The following AKT3 variants were observed in gnomAD, a reference collection of about 807,000 sequenced individuals.
The protein encoded by AKT3 is AKT serine/threonine kinase 3, also known as RAC-gamma serine/threonine-protein kinase.
AKT3 carries 15 observed loss-of-function variants against 65.3 expected under a neutral mutation model. That is an observed-to-expected ratio of 0.23 (90% CI 0.15 to 0.35). AKT3 has a LOEUF of 0.35. Among genes scored for constraint, AKT3 ranks in the 10% least tolerant of loss-of-function variants. The pLI, the probability that AKT3 is intolerant of heterozygous loss-of-function variation, is 1.00. For synonymous variants in AKT3, 206 were observed against 183.8 expected (o/e 1.12, Z -0.98); for missense variants, 243 against 576.5 (o/e 0.42, Z 5.92).
chr1:243,623,730 G>A (rs748005949), intron 6 of AKT3, among the ~76,000 whole-genome samples: 8 of 152,136 alleles, frequency 5.3e-5, no homozygotes, highest in South Asian at 2.1e-4. Flanking sequence ...GAACTTGGAC[G>A]GAGATACGTT....
chr1:243,573,072 G>T (rs746277882), intron 8 of AKT3, 24 bp from the exon 9 acceptor site: 3 of 1,607,580 alleles, frequency 1.9e-6, no homozygotes, highest in East Asian at 4.5e-5. Context: ...AGCAGGGACA[G>T]GATTGTAATA....
intron 2 of AKT3, among the ~76,000 whole-genome samples, chr1:243,723,418 G>A (rs1334277466): frequency 2.6e-5 from 4 of 152,080 alleles, no homozygotes; most frequent in Non-Finnish European, 4.4e-5. Flanking sequence ...TGAATCAACC[G>A]GTCCTCCATC....
In AKT3 at chr1:243,846,663, A is replaced by G. The variant is rs550680177; in HGVS notation, c.-113+3377T>C. Among the ~76,000 whole-genome samples the G allele has an allele frequency of 3.3e-5, 5 of 152,334 alleles. No homozygotes were observed. In the South Asian group the frequency reaches 1.0e-3, roughly 32 times the overall value. ...TTATTTAATTTGGCATTTTAAACAA[A>G]TGAAAGGTGATGTTAATGGGCCAGT... On this transcript the variant is annotated intron_variant, in intron 1 of 13. Coordinates refer to ENST00000673466, the MANE Select transcript of AKT3 (RefSeq NM_005465.7).
chr1:243,620,046 T>C (rs1242296246), intron 6 of AKT3, among the ~76,000 whole-genome samples: 1 of 98,322 alleles, frequency 1.0e-5, no homozygotes, highest in South Asian at 3.0e-4. Flanking sequence ...AGTCTCATCT[T>C]GAATTGTAAT....
chr1:243,801,167 T>C (rs1413454504), intron 2 of AKT3, among the ~76,000 whole-genome samples: 2 of 152,218 alleles, frequency 1.3e-5, no homozygotes. Flanking sequence ...ATATAAGGTA[T>C]GTTATCTATG....
intron 2 of AKT3, among the ~76,000 whole-genome samples, chr1:243,741,008 G>C (rs1688119901): frequency 6.6e-6 from 1 of 152,104 alleles, no homozygotes; most frequent in African/African-American, 2.4e-5. Context: ...TTCAAGCTAT[G>C]AAATACCTGG....
At chr1:243,842,986 C>T in intron 2 of AKT3, 139 bp downstream of exon 2, 6 of 874,732 alleles carry the variant, frequency 6.9e-6, no homozygotes, top group East Asian at 2.7e-5. Context: ...TCCTAACACA[C>T]GTTAAATATA....
chr1:243,671,900 A>G (rs180673905), intron 3 of AKT3, among the ~76,000 whole-genome samples: 1 of 152,338 alleles, frequency 6.6e-6, no homozygotes, highest in East Asian at 1.9e-4. Flanking sequence ...TGCTCTTCTG[A>G]AGAGAATACA....
rs1558590050 is a variant in AKT3 at position 243,527,900 on chromosome 1, C to CAAGACTCCATCTCTTAAA, written c.1252-15475_1252-15474insTTTAAGAGATGGAGTCTT. Among the ~76,000 whole-genome samples, 9 of 102,326 alleles carry CAAGACTCCATCTCTTAAA rather than the reference C, an allele frequency of 8.8e-5. 1 individual carries two copies. The highest frequency in any genetic ancestry group is 3.8e-4 in the African/African-American group (8 of 21,010). 67.1% of individuals were successfully genotyped at this position (102,326 alleles called of 152,430 possible). A position where few individuals can be genotyped will look rare whatever the true frequency, so the allele number is the denominator to read the frequency against. On this transcript the variant is annotated intron_variant, in intron 12 of 13. Coordinates refer to ENST00000673466, the MANE Select transcript of AKT3 (RefSeq NM_005465.7). ...ACACACACACACACACACACACACA[C>CAAGACTCCATCTCTTAAA]ACACACACACACACACACACACACA...
chr1:243,805,700 T>C (rs562955833), intron 2 of AKT3, among the ~76,000 whole-genome samples: 15 of 152,200 alleles, frequency 9.9e-5, no homozygotes, highest in South Asian at 2.1e-4. Flanking sequence ...ATCTTGCCCA[T>C]TGGTTCAATG....
intron 2 of AKT3, among the ~76,000 whole-genome samples, chr1:243,709,962 G>A (rs555079936): frequency 1.7e-4 from 26 of 152,040 alleles, no homozygotes; most frequent in African/African-American, 6.0e-4. Flanking sequence ...GTGCTACCAC[G>A]TTTACCCACA....
chr1:243,818,875 G>C (rs1693688455), intron 2 of AKT3, among the ~76,000 whole-genome samples: 3 of 152,080 alleles, frequency 2.0e-5, no homozygotes, highest in African/African-American at 7.2e-5. Flanking sequence ...TGGAGAGTGA[G>C]GAAAAGAAGG....
At chr1:243,520,728 A>G (rs1670666171) in intron 12 of AKT3, among the ~76,000 whole-genome samples, 1 of 152,220 alleles carries the variant, frequency 6.6e-6, no homozygotes, top group African/African-American at 2.4e-5. Flanking sequence ...CAGTGATCTT[A>G]AACAAGAGGA....
chr1:243,705,193 G>A lies in AKT3; in HGVS notation c.47-9477C>T, dbSNP rs545522127. ...TTCACTTCATCTTAGCCAAAAGTCC[G>A]AGAAGCAATATTATGAAGTATAGTT... On this transcript the variant is annotated intron_variant, in intron 2 of 13. Transcript: ENST00000673466. Among the ~76,000 whole-genome samples, 16 of 152,244 alleles carry A rather than the reference G, an allele frequency of 1.1e-4. No homozygotes were observed. In the South Asian group the frequency reaches 2.7e-3, roughly 26 times the overall value.
chr1:243,607,048 GGA>G (rs1262853126), intron 8 of AKT3, among the ~76,000 whole-genome samples: 2 of 152,262 alleles, frequency 1.3e-5, no homozygotes, highest in Non-Finnish European at 2.9e-5. Flanking sequence ...GAGGATGTGT[GGA>G]AACACTTGGA....
intron 2 of AKT3, among the ~76,000 whole-genome samples, chr1:243,823,327 G>A (rs1033657946): frequency 1.3e-5 from 2 of 152,106 alleles, no homozygotes; most frequent in African/African-American, 4.8e-5. Flanking sequence ...CTTACTGAAT[G>A]GGCAAAAGCT....
At chr1:243,653,049 A>G (rs1374419575) in intron 4 of AKT3, among the ~76,000 whole-genome samples, 1 of 152,074 alleles carries the variant, frequency 6.6e-6, no homozygotes, top group Non-Finnish European at 1.5e-5. Flanking sequence ...AAAAAAAATC[A>G]ATGAATCCAG....
Position 243,504,787 on chromosome 1 carries a change from T to C in AKT3, c.*462A>G. 9.8e-6 allele frequency: 2 copies of C among 203,732 alleles called. No individual in the cohort carries two copies. The highest frequency in any genetic ancestry group is 2.0e-5 in the Non-Finnish European group (2 of 99,560). The allele number at this position is 203,732 out of a possible 1,614,324, so 12.6% of individuals were successfully genotyped here. A position where few individuals can be genotyped will look rare whatever the true frequency, so the allele number is the denominator to read the frequency against. ...CACGCCACCACCCTTCCACAATTGCTTGTTCTGAATTTATAAACTAAATCT... is the reference window on the plus strand; with the variant it reads ...CACGCCACCACCCTTCCACAATTGCCTGTTCTGAATTTATAAACTAAATCT... On this transcript the variant is annotated 3_prime_UTR_variant, in exon 14 of 14. Transcript: ENST00000673466.
At chr1:243,652,495 T>C (rs1217570802) in intron 4 of AKT3, among the ~76,000 whole-genome samples, 1 of 152,004 alleles carries the variant, frequency 6.6e-6, no homozygotes, top group African/African-American at 2.4e-5. Flanking sequence ...TGCAAAAACA[T>C]GCTAAATTGA....
Sources: allele counts gnomAD v4.1 joint callset (sites outside exome capture counted in the v4.1 genomes callset), GRCh38; gene constraint gnomAD v4.1.1; transcripts MANE v1.5; gene names NCBI Gene and HGNC (gene_info 2026-07-23, HGNC 2026-07-21).